CAMK2D: variants seen among roughly 807,000 people sequenced by gnomAD.
CAMK2D encodes calcium/calmodulin dependent protein kinase II delta, also known as calcium/calmodulin-dependent protein kinase type II subunit delta.
In CAMK2D, 37 loss-of-function variants were observed where a neutral mutation model predicts 84.0. That is an observed-to-expected ratio of 0.44 (90% CI 0.34 to 0.58). CAMK2D has a LOEUF of 0.58. Among genes scored for constraint, CAMK2D ranks in the 20% least tolerant of loss-of-function variants. The pLI is 0.02. For missense variants in CAMK2D, 448 were observed against 652.5 expected (o/e 0.69, Z 3.41); for synonymous variants, 202 against 212.5 (o/e 0.95, Z 0.43).
chr4:113,671,062 A>G (rs1158313708), intron 2 of CAMK2D, among the ~76,000 whole-genome samples: 1 of 152,020 alleles, frequency 6.6e-6, no homozygotes, highest in African/African-American at 2.4e-5. Flanking sequence ...TTGTTTTCTT[A>G]TTGTGGTATG....
At chr4:113,693,291 C>A (rs2099393671) in intron 2 of CAMK2D, among the ~76,000 whole-genome samples, 1 of 152,094 alleles carries the variant, frequency 6.6e-6, no homozygotes, top group Middle Eastern at 3.2e-3. Flanking sequence ...TCCTAGGAGA[C>A]CAGCCTGGAA....
intron 2 of CAMK2D, among the ~76,000 whole-genome samples, chr4:113,753,197 TAAATA>T (rs956453954): frequency 1.3e-5 from 2 of 152,224 alleles, no homozygotes; most frequent in African/African-American, 2.4e-5. Context: ...CAGTGTGGAT[TAAATA>T]AAATAAAACA....
chr4:113,642,409 C>T (rs967796261), intron 3 of CAMK2D, among the ~76,000 whole-genome samples: 7 of 152,192 alleles, frequency 4.6e-5, no homozygotes, highest in Admixed American at 6.5e-5. Flanking sequence ...GAACTACTCC[C>T]TTCCAGGGTT....
chr4:113,614,321 G>T (rs1591962372), intron 3 of CAMK2D, among the ~76,000 whole-genome samples: 1 of 152,064 alleles, frequency 6.6e-6, no homozygotes, highest in Non-Finnish European at 1.5e-5. Context: ...TGGAGAGGAG[G>T]CAGTCAATTA....
At chr4:113,508,352 T>A (rs2098160783) in intron 13 of CAMK2D, 6 of 961,660 alleles carry the variant, frequency 6.2e-6, no homozygotes, top group South Asian at 2.9e-5. Context: ...GAGTATAGAA[T>A]AATTTTGTTT....
intron 3 of CAMK2D, 60 bp downstream of exon 3, chr4:113,661,653 G>A: frequency 1.4e-6 from 1 of 710,118 alleles, no homozygotes. Flanking sequence ...CATTTTTATT[G>A]TGGTAAATAA....
At chr4:113,719,348 C>T (rs142577488) in intron 2 of CAMK2D, among the ~76,000 whole-genome samples, 1 of 152,070 alleles carries the variant, frequency 6.6e-6, no homozygotes, top group Admixed American at 6.6e-5. Flanking sequence ...AACCCAGTAA[C>T]CTGAAGTAAC....
intron 13 of CAMK2D, among the ~76,000 whole-genome samples, chr4:113,506,959 T>G (rs1007513652): frequency 6.6e-6 from 1 of 150,962 alleles, no homozygotes; most frequent in Non-Finnish European, 1.5e-5. Context: ...CACCATCATC[T>G]CTTCCAGATG....
intron 2 of CAMK2D, among the ~76,000 whole-genome samples, chr4:113,695,643 A>G (rs753517466): frequency 2.6e-5 from 4 of 152,052 alleles, no homozygotes; most frequent in Non-Finnish European, 5.9e-5. Flanking sequence ...ACCAGAATAC[A>G]ACTACTTCTC....
At chr4:113,648,693 T>C (rs1316942417) in intron 3 of CAMK2D, among the ~76,000 whole-genome samples, 1 of 152,176 alleles carries the variant, frequency 6.6e-6, no homozygotes, top group African/African-American at 2.4e-5. Flanking sequence ...AGCAGATACT[T>C]TGAGCACCCA....
Position 113,601,539 on chromosome 4 carries a change from T to C in CAMK2D, c.275+7613A>G, listed in dbSNP as rs2098952222. ...TCATTGGTTTTCACTATAATGAACA[T>C]TAAATTTCATTTTAAAATAGCCCAG... On this transcript the variant is annotated intron_variant, in intron 4 of 20. Transcript: ENST00000511664. Among the ~76,000 whole-genome samples the C allele has an allele frequency of 2.0e-5, 3 of 151,982 alleles. No individual in the cohort carries two copies. In the South Asian group the frequency reaches 6.2e-4, roughly 32 times the overall value.
chr4:113,690,414 TA>T (rs527931816), intron 2 of CAMK2D, among the ~76,000 whole-genome samples: 1 of 151,866 alleles, frequency 6.6e-6, no homozygotes, highest in African/African-American at 2.4e-5. Context: ...TAATTTAAAT[TA>T]AAAAAAATGA....
intron 16 of CAMK2D, among the ~76,000 whole-genome samples, chr4:113,467,235 A>G (rs899375652): frequency 1.3e-5 from 2 of 152,246 alleles, no homozygotes; most frequent in African/African-American, 2.4e-5. Flanking sequence ...ATTGATCACG[A>G]AGAAAGCTGA....
intron 16 of CAMK2D, among the ~76,000 whole-genome samples, chr4:113,497,115 GT>G (rs5861137): frequency 0.21 from 31,096 of 144,986 alleles, 3,380 homozygotes; most frequent in Middle Eastern, 0.26. Context: ...GTTTCACTGA[GT>G]TTTTTTTTTT....
intron 3 of CAMK2D, among the ~76,000 whole-genome samples, chr4:113,656,021 T>A (rs2099198453): frequency 6.6e-6 from 1 of 152,148 alleles, no homozygotes; most frequent in Non-Finnish European, 1.5e-5. Context: ...TATTTTTCTT[T>A]TACTTATTTG....
At chr4:113,751,170 G>A (rs1177707143) in intron 2 of CAMK2D, among the ~76,000 whole-genome samples, 1 of 152,210 alleles carries the variant, frequency 6.6e-6, no homozygotes, top group African/African-American at 2.4e-5. Context: ...GCCATTCACA[G>A]AGGGGGAAAG....
At chr4:113,506,157 G>A (rs2098125109) in intron 13 of CAMK2D, among the ~76,000 whole-genome samples, 1 of 152,022 alleles carries the variant, frequency 6.6e-6, no homozygotes, top group Admixed American at 6.6e-5. Flanking sequence ...ATTTCAAGTG[G>A]TGACACCAGT....
At chr4:113,711,775 A>C (rs2099493469) in intron 2 of CAMK2D, among the ~76,000 whole-genome samples, 1 of 152,190 alleles carries the variant, frequency 6.6e-6, no homozygotes, top group Non-Finnish European at 1.5e-5. Flanking sequence ...CTTAGACTTC[A>C]TTCTATGCTT....
chr4:113,539,483 T>C (rs2098515504), intron 6 of CAMK2D, among the ~76,000 whole-genome samples: 2 of 152,364 alleles, frequency 1.3e-5, no homozygotes, highest in East Asian at 1.9e-4. Flanking sequence ...TTCACTCTTA[T>C]CACTAAATGA....
Sources: gnomAD v4.1 joint callset for allele counts (sites outside exome capture counted in the v4.1 genomes callset) on GRCh38, gnomAD v4.1.1 for gene constraint, MANE v1.5 for transcripts, NCBI Gene and HGNC (gene_info 2026-07-23, HGNC 2026-07-21) for gene names.